COL23A1: variants seen among roughly 807,000 people sequenced by gnomAD.
COL23A1 encodes the protein collagen alpha-1(XXIII) chain.
COL23A1 carries 97 observed loss-of-function variants against 99.3 expected under a neutral mutation model. The observed-to-expected ratio is 0.98, with a 90% confidence interval of 0.83 to 1.16. The LOEUF (loss-of-function observed/expected upper bound fraction) is 1.16, where lower values mean the gene tolerates loss of function less well. COL23A1 is among the 50% of genes most tolerant of loss of function. The probability of loss-of-function intolerance (pLI) is 0.00; values close to 1 mark genes in which losing one functional copy is unlikely to be tolerated. For missense variants in COL23A1, 762 were observed against 757.4 expected, an observed-to-expected ratio of 1.01 and a Z score of -0.07; for synonymous variants, 320 against 308.2, an observed-to-expected ratio of 1.04 and a Z score of -0.40.
In COL23A1 at chr5:178,589,908, C is replaced by G; in HGVS notation, c.290G>C (p.Arg97Pro). 1.5e-6 allele frequency: 2 copies of G among 1,314,206 alleles called. No individual in the cohort carries two copies. Among genetic ancestry groups the G allele is most frequent in the Non-Finnish European group, 1.9e-6 (2 of 1,037,482 alleles). 81.4% of individuals were successfully genotyped at this position (1,314,206 alleles called of 1,614,324 possible). A position where few individuals can be genotyped will look rare whatever the true frequency, so the allele number is the denominator to read the frequency against. The change falls in exon 1 of 29, where the codon CGG becomes CCG. Residue 97 changes from arginine to proline, a missense_variant. Physicochemically the swap from Arg to Pro is moderately radical, Grantham distance 103. Coordinates refer to ENST00000390654, the MANE Select transcript of COL23A1 (RefSeq NM_173465.4). This position sits in a 1 kb window ranked among gnomAD's most constrained non-coding sequence, Gnocchi z 5.4. ...GCCACGCGCCAAGACGCTCACCTCC[C>G]GCAGCAGGCGCTCCAGGTGCGGCTC... ...WAEPHLERLL[R>P]EKLDGLAKIR...
intron 5 of COL23A1, among the ~76,000 whole-genome samples, chr5:178,272,115 C>T (rs1465698729): frequency 6.6e-6 from 1 of 152,222 alleles, no homozygotes; most frequent in Non-Finnish European, 1.5e-5. Flanking sequence ...ATCCTCATCC[C>T]TCGGCTCTCT....
chr5:178,517,579 T>TTTTTTTTTTG (rs1759605654), intron 2 of COL23A1, among the ~76,000 whole-genome samples: 1 of 145,696 alleles, frequency 6.9e-6, no homozygotes, highest in East Asian at 2.0e-4. Flanking sequence ...TTTTTTTTTT[T>TTTTTTTTTTG]GAGATGGAGT....
At position 178,365,234 on chromosome 5, in the gene COL23A1, C is replaced by T. The variant is rs966245264; in HGVS notation, c.362-58315G>A. ...GGAACATTAGATATGGGGTCCAGCC[C>T]CAGCGCACAGGAAACCCTGCTCAGG... On this transcript the variant is annotated intron_variant, in intron 2 of 28. Coordinates refer to ENST00000390654, the MANE Select transcript of COL23A1 (RefSeq NM_173465.4). This position sits in a 1 kb window ranked among gnomAD's most constrained non-coding sequence, Gnocchi z 5.2. Among the ~76,000 whole-genome samples the T allele has an allele frequency of 1.3e-5, 2 of 151,814 alleles. No individual in the cohort carries two copies. Among genetic ancestry groups the T allele is most frequent in the African/African-American group, 4.8e-5 (2 of 41,324 alleles).
At chr5:178,461,936 A>G (rs534968348) in intron 2 of COL23A1, among the ~76,000 whole-genome samples, 41 of 152,376 alleles carry the variant, frequency 2.7e-4, no homozygotes, top group African/African-American at 9.4e-4. Flanking sequence ...GAAGAGGCGG[A>G]TGAGTTGTGG....
chr5:178,304,742 G>A (rs1028060449), intron 3 of COL23A1, among the ~76,000 whole-genome samples: 2 of 152,202 alleles, frequency 1.3e-5, no homozygotes, highest in African/African-American at 4.8e-5. Flanking sequence ...AAAACAATGA[G>A]GGGGAGGGAT....
At position 178,259,767 on chromosome 5, in the gene COL23A1, G is replaced by A. The variant is rs761555477; in HGVS notation, c.703-20C>T. The A allele has an allele frequency of 1.4e-5, 23 of 1,598,956 alleles. No individual in the cohort carries two copies. The South Asian group carries it at 2.3e-4, about 16-fold the overall frequency. On this transcript the variant is annotated intron_variant, in intron 11 of 28. Transcript: ENST00000390654. ...CTCACCCTGGGGGAGGCAATGGGGGGTTCAAGAGCAAGGTCAAAACCATAG... is the reference window on the plus strand; with the variant it reads ...CTCACCCTGGGGGAGGCAATGGGGGATTCAAGAGCAAGGTCAAAACCATAG...
At chr5:178,256,715 C>G in intron 14 of COL23A1, 151 bp downstream of exon 14, 1 of 739,612 alleles carries the variant, frequency 1.4e-6, no homozygotes, top group Non-Finnish European at 2.2e-6. Context: ...GCCCCCACAC[C>G]AGCTTCTGAG....
intron 19 of COL23A1, 27 bp from the exon 20 acceptor site, chr5:178,248,281 C>T (rs1391380556): frequency 6.3e-7 from 1 of 1,592,758 alleles, no homozygotes; most frequent in Admixed American, 1.7e-5. Context: ...GCCTGTGAGT[C>T]CTTTGTGTCC....
rs548757542 is a variant in COL23A1, at chr5:178,384,439, C to G, written c.362-77520G>C. 3.2e-4 allele frequency among the ~76,000 whole-genome samples: 48 copies of G among 152,346 alleles called. No individual in the cohort carries two copies. Among genetic ancestry groups the G allele is most frequent in the African/African-American group, 1.1e-3 (47 of 41,584 alleles). On this transcript the variant is annotated intron_variant, in intron 2 of 28. Transcript: ENST00000390654. This position sits in a 1 kb window ranked among gnomAD's most constrained non-coding sequence, Gnocchi z 5.5. ...GGTAGTAAACCAGGCTTCGGCTTTC[C>G]AAGCCAGACCTCTCCTCCCTGCCCA...
chr5:178,558,532 C>T (rs1762396906), intron 2 of COL23A1, among the ~76,000 whole-genome samples: 2 of 152,146 alleles, frequency 1.3e-5, no homozygotes, highest in South Asian at 4.1e-4. Flanking sequence ...AAATTTCACT[C>T]GGGCCTTTTT....
chr5:178,248,547 A>G (rs1478179459), intron 19 of COL23A1, among the ~76,000 whole-genome samples: 1 of 152,172 alleles, frequency 6.6e-6, no homozygotes, highest in Non-Finnish European at 1.5e-5. Context: ...CCTCTAGCCC[A>G]GTGACCATCA....
chr5:178,498,410 T>G (rs1336391850), intron 2 of COL23A1, among the ~76,000 whole-genome samples: 1 of 151,396 alleles, frequency 6.6e-6, no homozygotes, highest in East Asian at 1.9e-4. Context: ...GAAAAAAAAG[T>G]ATCTGACAGC....
intron 2 of COL23A1, among the ~76,000 whole-genome samples, chr5:178,407,573 G>A (rs1764830575): frequency 6.6e-6 from 1 of 151,614 alleles, no homozygotes. Flanking sequence ...ATGCTTCAGT[G>A]AGCAATTATG....
intron 2 of COL23A1, among the ~76,000 whole-genome samples, chr5:178,485,690 G>A (rs1014732299): frequency 6.7e-6 from 1 of 149,698 alleles, no homozygotes; most frequent in Non-Finnish European, 1.5e-5. Flanking sequence ...TGAGAGGCAG[G>A]AGAATCACCT....
chr5:178,307,535 C>T lies in COL23A1; in HGVS notation c.362-616G>A, dbSNP rs373349529. On this transcript the variant is annotated intron_variant, in intron 2 of 28. Transcript: ENST00000390654. The surrounding 1 kb of genome is among the most constrained non-coding windows in gnomAD (Gnocchi z 4.2). ...CCTGTCCACGTCTGTCCTCCATCCG[C>T]GCGCTATAAGCCCTTCTGAATTTAC... Among the ~76,000 whole-genome samples, 2 of 152,218 alleles carry T rather than the reference C, an allele frequency of 1.3e-5. No individual in the cohort carries two copies. The highest frequency in any genetic ancestry group is 6.5e-5 in the Admixed American group (1 of 15,290).
chr5:178,256,859 A>C lies in COL23A1; in HGVS notation c.837+7T>G. 2 of 1,612,286 alleles carry C rather than the reference A, an allele frequency of 1.2e-6. No homozygotes were observed. Among genetic ancestry groups the C allele is most frequent in the Non-Finnish European group, 1.7e-6 (2 of 1,179,332 alleles). ...GCAGGCGCCAGAGCAGAGAGCTCTCATGTCACCTTCGGTCCTGGGGCACCG... is the reference window on the plus strand; with the variant it reads ...GCAGGCGCCAGAGCAGAGAGCTCTCCTGTCACCTTCGGTCCTGGGGCACCG... On this transcript the variant is annotated splice_region_variant and intron_variant, in intron 14 of 28. Transcript: ENST00000390654.
At chr5:178,417,746 G>A (rs191567966) in intron 2 of COL23A1, among the ~76,000 whole-genome samples, 21 of 152,316 alleles carry the variant, frequency 1.4e-4, no homozygotes, top group Non-Finnish European at 2.8e-4. Context: ...CAAGGAGACG[G>A]AGTTCATTAG....
At chr5:178,317,656 C>G (rs1581141373) in intron 2 of COL23A1, among the ~76,000 whole-genome samples, 1 of 152,222 alleles carries the variant, frequency 6.6e-6, no homozygotes, top group East Asian at 1.9e-4. Context: ...ACTCCTCTTT[C>G]ATGTTTCATT....
chr5:178,476,775 C>T (rs1757052743), intron 2 of COL23A1, among the ~76,000 whole-genome samples: 1 of 152,214 alleles, frequency 6.6e-6, no homozygotes, highest in South Asian at 2.1e-4. Flanking sequence ...TGGCTCTGTG[C>T]CAGCCACCAT....
Sources: gnomAD v4.1 joint callset for allele counts (sites outside exome capture counted in the v4.1 genomes callset) on GRCh38, gnomAD v4.1.1 for gene constraint, Gnocchi (gnomAD v3.1) non-coding constraint, MANE v1.5 for transcripts, NCBI Gene and HGNC (gene_info 2026-07-23, HGNC 2026-07-21) for gene names.